CROCC2: variants seen among roughly 807,000 people sequenced by gnomAD.
CROCC2 encodes the protein ciliary rootlet coiled-coil protein 2.
A neutral mutation model predicts 177.6 loss-of-function variants in CROCC2; 163 were observed. The ratio of observed to expected loss-of-function variants is 0.92; its 90% CI spans 0.81 to 1.05. CROCC2 has a LOEUF of 1.05. CROCC2 is among the 50% of genes least tolerant of loss of function. The pLI is 0.00. For missense variants in CROCC2, 1,929 were observed against 1,797.8 expected, an observed-to-expected ratio of 1.07 and a Z score of -1.32; for synonymous variants, 904 against 787.3, an observed-to-expected ratio of 1.15 and a Z score of -2.48.
At chr2:240,987,374 A>T (rs1040001032) in intron 28 of CROCC2, among the ~76,000 whole-genome samples, 6 of 151,988 alleles carry the variant, frequency 3.9e-5, no homozygotes, top group South Asian at 2.1e-4. Flanking sequence ...GTGGCCGTTT[A>T]TTTATTTTGG....
At chr2:240,928,793 T>C (rs1223721527) in intron 5 of CROCC2, among the ~76,000 whole-genome samples, 1 of 150,302 alleles carries the variant, frequency 6.7e-6, no homozygotes, top group Non-Finnish European at 1.5e-5. Flanking sequence ...CAGACAGGGG[T>C]AACGGGCTCA....
At chr2:240,962,182 G>A (rs1163676014) in intron 20 of CROCC2, among the ~76,000 whole-genome samples, 1 of 152,126 alleles carries the variant, frequency 6.6e-6, no homozygotes, top group African/African-American at 2.4e-5. Context: ...TTTTAAAAGA[G>A]GCTGTTTATA....
chr2:240,913,363 C>T (rs1209310777), intron 1 of CROCC2, among the ~76,000 whole-genome samples: 1 of 152,198 alleles, frequency 6.6e-6, no homozygotes, highest in Non-Finnish European at 1.5e-5. Context: ...CCTGCGTGGG[C>T]GCCAGGGACA....
intron 1 of CROCC2, among the ~76,000 whole-genome samples, chr2:240,911,888 T>A (rs960761940): frequency 1.3e-5 from 2 of 152,210 alleles, no homozygotes; most frequent in African/African-American, 4.8e-5. Context: ...TATTCATTCA[T>A]CTCTGAATGG....
In CROCC2 at chr2:240,986,526, G is replaced by A. The variant is rs550344379; in HGVS notation, c.4552-2213G>A. Among the ~76,000 whole-genome samples the A allele has an allele frequency of 8.4e-4, 128 of 152,332 alleles. 2 individuals carry two copies. Among genetic ancestry groups the A allele is most frequent in the African/African-American group, 2.9e-3 (122 of 41,580 alleles). ...AGGGACAGGCCTGGAAAGCCGAGCC[G>A]GTGTTGCCGGCTCCACGACCCATCC... On this transcript the variant is annotated intron_variant, in intron 28 of 31. Transcript: ENST00000690015.
At chr2:240,922,481 G>C in intron 3 of CROCC2, 58 bp from the exon 4 acceptor site, 1 of 646,718 alleles carries the variant, frequency 1.5e-6, no homozygotes. Context: ...AGATGCCCCA[G>C]CCCCTGCCTG....
At chr2:240,922,090 CCT>C (rs2059360125) in intron 3 of CROCC2, among the ~76,000 whole-genome samples, 1 of 152,292 alleles carries the variant, frequency 6.6e-6, no homozygotes, top group East Asian at 1.9e-4. Flanking sequence ...CCATCCTGCC[CCT>C]GTGTGCCTGA....
chr2:240,933,915 T>C (rs1479982955), intron 11 of CROCC2, 63 bp downstream of exon 11: 2 of 1,489,012 alleles, frequency 1.3e-6, no homozygotes, highest in Non-Finnish European at 1.8e-6. Context: ...TCTGCCACCA[T>C]CAGCCACTTG....
At chr2:240,959,078 C>T in intron 19 of CROCC2, 2 of 531,304 alleles carry the variant, frequency 3.8e-6, no homozygotes, top group Non-Finnish European at 6.6e-6. Flanking sequence ...GGCACTCACA[C>T]ATCACAGCTG....
chr2:240,930,152 C>T lies in CROCC2; in HGVS notation c.646-14C>T, dbSNP rs947686200. 13 of 542,512 alleles carry T rather than the reference C, an allele frequency of 2.4e-5. No individual in the cohort carries two copies. The highest frequency in any genetic ancestry group is 5.8e-5 in the African/African-American group (3 of 52,010). The allele number at this position is 542,512 out of a possible 1,614,324, so 33.6% of individuals were successfully genotyped here. On this transcript the variant is annotated splice_polypyrimidine_tract_variant and intron_variant, in intron 5 of 31. Transcript: ENST00000690015. ...GCCCCAGCCTGAAGTAGACAGGAGGCCTCTTGCTTTCAGACCCGGTCAGGG... is the reference window on the plus strand; with the variant it reads ...GCCCCAGCCTGAAGTAGACAGGAGGTCTCTTGCTTTCAGACCCGGTCAGGG...
chr2:240,984,390 T>C (rs1217579930), intron 28 of CROCC2, among the ~76,000 whole-genome samples: 3 of 151,890 alleles, frequency 2.0e-5, no homozygotes, highest in Non-Finnish European at 2.9e-5. Context: ...AAAGAGGAAA[T>C]GGCATTCCAG....
At position 240,917,778 on chromosome 2, in the gene CROCC2, C is replaced by A. The variant is rs990519730; in HGVS notation, c.79-948C>A. ...TTCAGATATCCTTAAGGCAGCAGGC[C>A]GGGGACAGCTGTGGCCTTGCGTATT... On this transcript the variant is annotated intron_variant, in intron 1 of 31. Transcript: ENST00000690015. The surrounding 1 kb of genome is among the most constrained non-coding windows in gnomAD (Gnocchi z 4.9). Among the ~76,000 whole-genome samples the A allele has an allele frequency of 9.8e-5, 15 of 152,310 alleles. No individual in the cohort carries two copies. The highest frequency in any genetic ancestry group is 4.1e-4 in the South Asian group (2 of 4,826).
At chr2:240,912,246 G>A (rs2059293252) in intron 1 of CROCC2, among the ~76,000 whole-genome samples, 1 of 152,162 alleles carries the variant, frequency 6.6e-6, no homozygotes, top group Non-Finnish European at 1.5e-5. Context: ...ACACCAGCTA[G>A]CTGTCCTACA....
At chr2:240,912,416 T>C (rs531595022) in intron 1 of CROCC2, among the ~76,000 whole-genome samples, 3 of 152,382 alleles carry the variant, frequency 2.0e-5, no homozygotes, top group African/African-American at 7.2e-5. Flanking sequence ...TCCAACTCCC[T>C]GCTCAACTTG....
At position 240,972,571 on chromosome 2, in the gene CROCC2, T is replaced by G. The variant is rs952822821; in HGVS notation, c.4401+4309T>G. ...GTATGGGGACATGGGGGTCCAACTT[T>G]GGGTCTCCACAATGAGTGCAGAGGA... On this transcript the variant is annotated intron_variant, in intron 27 of 31. Coordinates refer to ENST00000690015, the MANE Select transcript of CROCC2 (RefSeq NM_001351305.2). The surrounding 1 kb of genome is among the most constrained non-coding windows in gnomAD (Gnocchi z 7.1). Among the ~76,000 whole-genome samples the G allele has an allele frequency of 2.0e-5, 3 of 151,932 alleles. No individual in the cohort carries two copies. The highest frequency in any genetic ancestry group is 2.0e-4 in the Admixed American group (3 of 15,244).
intron 1 of CROCC2, among the ~76,000 whole-genome samples, chr2:240,911,872 T>C (rs2059291078): frequency 6.6e-6 from 1 of 152,156 alleles, no homozygotes; most frequent in South Asian, 2.1e-4. Context: ...GGGACCACAC[T>C]CTGTTTATTC....
chr2:240,914,517 G>GC (rs1299253934), intron 1 of CROCC2, among the ~76,000 whole-genome samples: 1 of 152,230 alleles, frequency 6.6e-6, no homozygotes, highest in Non-Finnish European at 1.5e-5. Flanking sequence ...GGACCTGGCA[G>GC]CCCCCTGCAG....
intron 1 of CROCC2, among the ~76,000 whole-genome samples, chr2:240,916,034 G>T (rs2059318012): frequency 6.6e-6 from 1 of 152,136 alleles, no homozygotes; most frequent in Non-Finnish European, 1.5e-5. Flanking sequence ...AGGACCCACA[G>T]GTCGCGGAGG....
chr2:240,933,791 G>T lies in CROCC2; in HGVS notation c.1585G>T (p.Ala529Ser). 10 of 1,549,014 alleles carry T rather than the reference G, an allele frequency of 6.5e-6. No individual in the cohort carries two copies. The highest frequency in any genetic ancestry group is 8.7e-6 in the Non-Finnish European group (10 of 1,146,744). The part of the protein sequence containing the change: ...AELQRSLLLQ[A>S]ERREELALRR... ...GCTGCAGAGAAGCCTCCTGCTGCAGGCAGAGCGGAGGGAGGAGCTGGCTCT... is the reference window on the plus strand; with the variant it reads ...GCTGCAGAGAAGCCTCCTGCTGCAGTCAGAGCGGAGGGAGGAGCTGGCTCT... Residue 529 changes from alanine (A) to serine (S), a missense_variant, in exon 11 of 32, where the codon GCA becomes TCA. Around this residue, in one of 3 missense-constraint regions of CROCC2, gnomAD observed 1,397 missense variants for 1,239.9 expected, o/e 1.13. Coordinates refer to ENST00000690015, the MANE Select transcript of CROCC2 (RefSeq NM_001351305.2).
Sources: allele counts gnomAD v4.1 joint callset (sites outside exome capture counted in the v4.1 genomes callset), GRCh38; gene constraint gnomAD v4.1.1; regional missense constraint gnomAD v4.1.1; non-coding constraint Gnocchi (gnomAD v3.1); transcripts MANE v1.5; gene names NCBI Gene and HGNC (gene_info 2026-07-23, HGNC 2026-07-21).